TBC1D16: variants seen among roughly 807,000 people sequenced by gnomAD.
TBC1D16 encodes TBC1 domain family member 16, also known as CTD-2529O21.1.
TBC1D16 carries 58 observed loss-of-function variants against 74.7 expected under a neutral mutation model. That is an observed-to-expected ratio of 0.78 (90% confidence interval 0.63 to 0.97). The LOEUF (loss-of-function observed/expected upper bound fraction) is 0.97. TBC1D16 is among the 50% of genes least tolerant of loss of function. The pLI is 0.00. For synonymous variants in TBC1D16, 493 were observed against 474.7 expected (o/e 1.04, Z -0.50); for missense variants, 1,014 against 1,079.5 (o/e 0.94, Z 0.85).
intron 3 of TBC1D16, among the ~76,000 whole-genome samples, chr17:79,978,767 A>G (rs927583292): frequency 2.0e-5 from 3 of 152,226 alleles, no homozygotes; most frequent in Non-Finnish European, 4.4e-5. Flanking sequence ...GGAGACTCTG[A>G]TGGCAGGAAT....
At chr17:79,965,361 T>C (rs2033798210) in intron 3 of TBC1D16, among the ~76,000 whole-genome samples, 1 of 152,124 alleles carries the variant, frequency 6.6e-6, no homozygotes, top group Non-Finnish European at 1.5e-5. Context: ...GGATTACAGG[T>C]GTGAGCCACC....
intron 9 of TBC1D16, 88 bp downstream of exon 9, chr17:79,947,557 C>T (rs1036207279): frequency 8.1e-5 from 118 of 1,448,488 alleles, no homozygotes; most frequent in Non-Finnish European, 1.1e-4. Context: ...AGCCAAGCCA[C>T]GCATCACCAC....
chr17:79,983,042 G>A lies in TBC1D16; in HGVS notation c.779+27118C>T, dbSNP rs553140466. Reference sequence around the variant, plus strand: ...GTGTGTGTGCACACGCATCCACCCCGAGCCTCTGTGTGCAGAGCTCCAAGC... The same window carrying A: ...GTGTGTGTGCACACGCATCCACCCCAAGCCTCTGTGTGCAGAGCTCCAAGC... On this transcript the variant is annotated intron_variant, in intron 3 of 11. Coordinates refer to ENST00000310924, the MANE Select transcript of TBC1D16 (RefSeq NM_019020.4). The surrounding 1 kb of genome is among the most constrained non-coding windows in gnomAD (Gnocchi z 5.6). Among the ~76,000 whole-genome samples the A allele has an allele frequency of 2.0e-5, 3 of 152,314 alleles. No homozygotes were observed. Among genetic ancestry groups the A allele is most frequent in the East Asian group, 1.9e-4 (1 of 5,186 alleles).
At chr17:80,002,906 C>T (rs1009854190) in intron 3 of TBC1D16, among the ~76,000 whole-genome samples, 1 of 152,172 alleles carries the variant, frequency 6.6e-6, no homozygotes, top group Non-Finnish European at 1.5e-5. Context: ...GGAACGGTGG[C>T]GCACGTAGGG....
chr17:80,005,450 G>A (rs947552907), intron 3 of TBC1D16, among the ~76,000 whole-genome samples: 3 of 152,212 alleles, frequency 2.0e-5, no homozygotes, highest in African/African-American at 7.2e-5. Context: ...ACCAAGGGCA[G>A]GATGACCAGT....
At chr17:80,026,333 G>A (rs754765198) in intron 1 of TBC1D16, among the ~76,000 whole-genome samples, 2 of 149,998 alleles carry the variant, frequency 1.3e-5, no homozygotes, top group Non-Finnish European at 2.9e-5. Flanking sequence ...GCTGAGGCAC[G>A]AGAATCACTT....
rs898843232 is a variant in TBC1D16, at chr17:79,966,407, C to T, written c.780-13589G>A. Among the ~76,000 whole-genome samples, 9 of 152,164 alleles carry T rather than the reference C, an allele frequency of 5.9e-5. No homozygotes were observed. In the East Asian group the frequency reaches 1.7e-3, roughly 29 times the overall value. ...CCCTTACCATGCCCCCACTAGATCA[C>T]AGGCAAACATGACAGCTCACTTCCT... On this transcript the variant is annotated intron_variant, in intron 3 of 11. Transcript: ENST00000310924.
rs1377435136 is a variant in TBC1D16 at position 80,004,576 on chromosome 17, G to A, written c.779+5584C>T. On this transcript the variant is annotated intron_variant, in intron 3 of 11. Transcript: ENST00000310924. ...GAGGGACCTTAGAGGGACCTTAGTC[G>A]GTCCACCTCCTCTGCCGTTGGATTC... is the stretch of plus-strand genomic sequence containing the variant. Among the ~76,000 whole-genome samples the A allele has an allele frequency of 2.6e-5, 4 of 152,286 alleles. No homozygotes were observed. The South Asian group carries it at 6.2e-4, about 24-fold the overall frequency.
chr17:80,017,062 C>T (rs999861709), intron 1 of TBC1D16, among the ~76,000 whole-genome samples: 1 of 152,152 alleles, frequency 6.6e-6, no homozygotes, highest in African/African-American at 2.4e-5. Flanking sequence ...GGGCCCTCAT[C>T]CACTCAGCTC....
chr17:79,942,292 G>A, intron 10 of TBC1D16, 86 bp from the exon 11 acceptor site: 3 of 1,420,096 alleles, frequency 2.1e-6, no homozygotes, highest in Non-Finnish European at 9.6e-7. Context: ...CAGGGTGCGA[G>A]TGAGGGCTCC....
At position 79,940,567 on chromosome 17, in the gene TBC1D16, A is replaced by G. The variant is rs2031885846; in HGVS notation, c.*292T>C. 3.3e-6 allele frequency: 1 copy of G among 301,584 alleles called. No homozygotes were observed. Among genetic ancestry groups the G allele is most frequent in the Non-Finnish European group, 6.1e-6 (1 of 163,682 alleles). The allele number at this position is 301,584 out of a possible 1,614,324, so 18.7% of individuals were successfully genotyped here. On this transcript the variant is annotated 3_prime_UTR_variant, in exon 12 of 12. Coordinates refer to ENST00000310924, the MANE Select transcript of TBC1D16 (RefSeq NM_019020.4). This position sits in a 1 kb window ranked among gnomAD's most constrained non-coding sequence, Gnocchi z 5.4. ...ATCCTGGGACATGTTGAAATCCTCC[A>G]GGGCAGCCAGCAGGAGAGCCCAGCC...
At chr17:80,005,429 C>G (rs921464310) in intron 3 of TBC1D16, among the ~76,000 whole-genome samples, 1 of 152,192 alleles carries the variant, frequency 6.6e-6, no homozygotes, top group African/African-American at 2.4e-5. Context: ...ACGGTAGCTT[C>G]CAGCACAGAA....
At chr17:80,006,501 C>G (rs182978297) in intron 3 of TBC1D16, among the ~76,000 whole-genome samples, 1 of 152,066 alleles carries the variant, frequency 6.6e-6, no homozygotes, top group Non-Finnish European at 1.5e-5. Context: ...ACGAAGGCCC[C>G]GGGGGATGGG....
rs1362543164 is a variant in TBC1D16 at position 79,988,441 on chromosome 17, C to T, written c.779+21719G>A. On this transcript the variant is annotated intron_variant, in intron 3 of 11. Coordinates refer to ENST00000310924, the MANE Select transcript of TBC1D16 (RefSeq NM_019020.4). This position sits in a 1 kb window ranked among gnomAD's most constrained non-coding sequence, Gnocchi z 5.7. ...TGAGTCAGGTCCAAGCTCCACTGGG[C>T]GTATGCCCAAGGGGCAGAGGGGGCA... 1.3e-5 allele frequency among the ~76,000 whole-genome samples: 2 copies of T among 152,230 alleles called. No individual in the cohort carries two copies. The highest frequency in any genetic ancestry group is 2.1e-4 in the South Asian group (1 of 4,834).
chr17:80,013,461 G>A lies in TBC1D16; in HGVS notation c.87C>T (p.Ser29=), dbSNP rs766698499. 1 of 1,599,862 alleles carries A rather than the reference G, an allele frequency of 6.3e-7. No homozygotes were observed. The part of the protein sequence containing the change: ...TLTPGGSGSG[S]PSVLDGEIIY... The stretch of plus-strand genomic sequence containing the variant: ...TGATCTCTCCATCCAGGACAGAGGG[G>A]GACCCGCTGCCGCTGCCACCGGGGG... Residue 29 remains serine, a synonymous_variant, in exon 2 of 12, where the codon TCC becomes TCT. Transcript: ENST00000310924.
intron 3 of TBC1D16, among the ~76,000 whole-genome samples, chr17:79,957,296 A>AT (rs2033381742): frequency 6.6e-6 from 1 of 152,222 alleles, no homozygotes; most frequent in Non-Finnish European, 1.5e-5. Context: ...TTGGTAGTGA[A>AT]TGGATAAATA....
intron 1 of TBC1D16, among the ~76,000 whole-genome samples, chr17:80,028,630 T>TG (rs1314590951): frequency 9.3e-5 from 14 of 150,684 alleles, no homozygotes; most frequent in Non-Finnish European, 2.1e-4. Flanking sequence ...CCAGTTGATT[T>TG]TTTTTTTTTT....
intron 10 of TBC1D16, chr17:79,943,889 T>A (rs2032267437): frequency 5.7e-6 from 8 of 1,406,924 alleles, no homozygotes; most frequent in Non-Finnish European, 7.4e-6. Context: ...CACGATTTTT[T>A]TTAATTCGGG....
At chr17:80,004,575 C>T (rs898590860) in intron 3 of TBC1D16, among the ~76,000 whole-genome samples, 3 of 152,214 alleles carry the variant, frequency 2.0e-5, no homozygotes, top group Non-Finnish European at 4.4e-5. Flanking sequence ...GGACCTTAGT[C>T]GGTCCACCTC....
Sources: gnomAD v4.1 joint callset for allele counts (sites outside exome capture counted in the v4.1 genomes callset) on GRCh38, gnomAD v4.1.1 for gene constraint, Gnocchi (gnomAD v3.1) non-coding constraint, MANE v1.5 for transcripts, NCBI Gene and HGNC (gene_info 2026-07-23, HGNC 2026-07-21) for gene names.